The following COPB1 variants were observed in gnomAD, a reference collection of about 807,000 sequenced individuals.
COPB1 encodes coat protein complex I subunit beta 1, also known as coatomer subunit beta.
In COPB1, 21 loss-of-function variants were observed where a neutral mutation model predicts 108.7. That is an observed-to-expected ratio of 0.19 (90% CI 0.14 to 0.28). COPB1 has a LOEUF of 0.28. Among genes scored for constraint, COPB1 ranks in the 10% least tolerant of loss-of-function variants. COPB1 has a pLI of 1.00. For missense variants in COPB1, 919 were observed against 1,141.3 expected (o/e 0.81, Z 2.81); for synonymous variants, 378 against 386.8 (o/e 0.98, Z 0.27).
At chr11:14,464,227 T>A (rs956697986) in intron 18 of COPB1, among the ~76,000 whole-genome samples, 1 of 152,198 alleles carries the variant, frequency 6.6e-6, no homozygotes, top group African/African-American at 2.4e-5. Context: ...TGCTCCTCCA[T>A]GAAGCCTTTT....
chr11:14,480,733 A>T (rs990765146), intron 10 of COPB1, 26 bp downstream of exon 10: 1 of 1,585,640 alleles, frequency 6.3e-7, no homozygotes, highest in Non-Finnish European at 8.5e-7. Flanking sequence ...GATAATTTCA[A>T]AATTAAAGTC....
intron 11 of COPB1, chr11:14,478,957 C>CAAAAAAAA (rs35295507): frequency 1.2e-4 from 8 of 68,410 alleles, no homozygotes; most frequent in Non-Finnish European, 1.8e-4. Context: ...AGCCCTCTCA[C>CAAAAAAAA]AAAAAAAAAA....
chr11:14,477,019 G>A lies in COPB1; in HGVS notation c.1359-4C>T. On this transcript the variant is annotated splice_region_variant and splice_polypyrimidine_tract_variant and intron_variant, in intron 11 of 21. Transcript: ENST00000439561. Reference sequence around the variant, plus strand: ...CCATAATGCTCCTCGGTAAATCCTAGCACAATACAAGATCTGAAACATGAA... The same window carrying A: ...CCATAATGCTCCTCGGTAAATCCTAACACAATACAAGATCTGAAACATGAA... 6.4e-7 allele frequency: 1 copy of A among 1,563,782 alleles called. No homozygotes were observed. The highest frequency in any genetic ancestry group is 8.8e-7 in the Non-Finnish European group (1 of 1,134,844).
chr11:14,495,727 G>A (rs1335495915), intron 2 of COPB1, among the ~76,000 whole-genome samples: 1 of 152,170 alleles, frequency 6.6e-6, no homozygotes, highest in Non-Finnish European at 1.5e-5. Context: ...TTATTGGTTG[G>A]AGGAAGGTAG....
chr11:14,462,696 C>T (rs118055554), intron 18 of COPB1, among the ~76,000 whole-genome samples: 1,832 of 152,292 alleles, frequency 0.012, 20 homozygotes, highest in South Asian at 0.058. Flanking sequence ...AGAAGTACTA[C>T]CTCATTTCTT....
rs1850648267 is a variant in COPB1 at position 14,480,978 on chromosome 11, G to C, written c.1065+12C>G. The stretch of plus-strand genomic sequence containing the variant: ...CTGATAGCTACAAAGTGCTGTCAGA[G>C]TTTCCTTTTACCTCTTCAACATTTC... On this transcript the variant is annotated intron_variant, in intron 9 of 21. Transcript: ENST00000439561. 1.2e-6 allele frequency: 2 copies of C among 1,612,758 alleles called. No individual in the cohort carries two copies. The highest frequency in any genetic ancestry group is 1.3e-5 in the African/African-American group (1 of 74,998).
intron 14 of COPB1, 32 bp downstream of exon 14, chr11:14,474,463 T>A: frequency 6.2e-7 from 1 of 1,603,134 alleles, no homozygotes; most frequent in Non-Finnish European, 8.5e-7. Context: ...CAATGTTTAA[T>A]TGTTGGTTAA....
rs763359412 is a variant in COPB1 at position 14,480,865 on chromosome 11, T to C, written c.1106A>G (p.Asn369Ser). 4.3e-6 allele frequency: 7 copies of C among 1,614,032 alleles called. No individual in the cohort carries two copies. The South Asian group carries it at 6.6e-5, about 15-fold the overall frequency. The change falls in exon 10 of 22, where the codon AAT becomes AGT. Residue 369 changes from asparagine to serine, a missense_variant. Coordinates refer to ENST00000439561, the MANE Select transcript of COPB1 (RefSeq NM_001144061.2). ...GTCAGTATCTTCATGCTCAGACACA[T>C]TATTTGTTTTTATCACTTCCTTCTT... ...VLKKEVIKTN[N>S]VSEHEDTDKY...
intron 7 of COPB1, among the ~76,000 whole-genome samples, chr11:14,484,752 A>G (rs1437869742): frequency 2.0e-5 from 3 of 152,182 alleles, no homozygotes. Flanking sequence ...ACAACAACAG[A>G]AAAGAACTTT....
At chr11:14,464,651 T>G (rs563173594) in intron 18 of COPB1, among the ~76,000 whole-genome samples, 18 of 152,198 alleles carry the variant, frequency 1.2e-4, no homozygotes, top group African/African-American at 3.9e-4. Flanking sequence ...TAAACCAACC[T>G]GTAACACACT....
Position 14,480,866 on chromosome 11 carries a change from T to C in COPB1, c.1105A>G (p.Asn369Asp). 3.7e-6 allele frequency: 6 copies of C among 1,613,990 alleles called. No individual in the cohort carries two copies. The highest frequency in any genetic ancestry group is 4.2e-6 in the Non-Finnish European group (5 of 1,179,898). ...VLKKEVIKTN[N>D]VSEHEDTDKY... The stretch of plus-strand genomic sequence containing the variant: ...TCAGTATCTTCATGCTCAGACACAT[T>C]ATTTGTTTTTATCACTTCCTTCTTC... Residue 369 changes from asparagine (N) to aspartate (D), a missense_variant, in exon 10 of 22, where the codon AAT becomes GAT. Around this residue, in one of 5 missense-constraint regions of COPB1, gnomAD observed 705 missense variants for 817.8 expected, o/e 0.86. Transcript: ENST00000439561.
chr11:14,470,019 G>GA (rs1850366741), intron 14 of COPB1, among the ~76,000 whole-genome samples: 1 of 152,172 alleles, frequency 6.6e-6, no homozygotes, highest in Non-Finnish European at 1.5e-5. Context: ...CTAAGAGTCA[G>GA]AACAGTTTCC....
intron 14 of COPB1, among the ~76,000 whole-genome samples, chr11:14,473,209 G>A (rs1850445824): frequency 6.6e-6 from 1 of 152,042 alleles, no homozygotes; most frequent in South Asian, 2.1e-4. Context: ...TCCTGACCTC[G>A]TGATCCGCCT....
intron 21 of COPB1, 38 bp downstream of exon 21, chr11:14,458,494 C>A: frequency 6.4e-7 from 1 of 1,554,112 alleles, no homozygotes; most frequent in South Asian, 1.2e-5. Flanking sequence ...CCCCCTTTGT[C>A]AGTCCAGAGA....
chr11:14,472,790 C>T (rs890877536), intron 14 of COPB1, among the ~76,000 whole-genome samples: 1 of 152,130 alleles, frequency 6.6e-6, no homozygotes, highest in Non-Finnish European at 1.5e-5. Flanking sequence ...CATGAATCAA[C>T]CTCTGCTAGC....
At chr11:14,499,606 C>G (rs964379905) in intron 1 of COPB1, 101 bp downstream of exon 1, 8 of 151,058 alleles carry the variant, frequency 5.3e-5, no homozygotes, top group Middle Eastern at 3.2e-3. Context: ...CCCGTACCCC[C>G]ACCCGGTCCC....
intron 10 of COPB1, 139 bp from the exon 11 acceptor site, chr11:14,479,853 G>C (rs546631834): frequency 1.5e-5 from 12 of 817,442 alleles, no homozygotes; most frequent in East Asian, 1.1e-4. Flanking sequence ...GCCCAGGCTA[G>C]AGAATAGTGG....
rs760682268 is a variant in COPB1, at chr11:14,457,891, G to T, written c.2803-8C>A. Reference sequence around the variant, plus strand: ...AAGACTTAAGGCCATTCCCTGTAAAGAAAAATTAAGATATTTATAATTATT... The same window carrying T: ...AAGACTTAAGGCCATTCCCTGTAAATAAAAATTAAGATATTTATAATTATT... On this transcript the variant is annotated splice_region_variant and splice_polypyrimidine_tract_variant and intron_variant, in intron 21 of 21. Transcript: ENST00000439561. 1 of 1,516,060 alleles carries T rather than the reference G, an allele frequency of 6.6e-7. No individual in the cohort carries two copies. Among genetic ancestry groups the T allele is most frequent in the African/African-American group, 1.4e-5 (1 of 71,426 alleles). The allele number at this position is 1,516,060 out of a possible 1,614,324, so 93.9% of individuals were successfully genotyped here.
chr11:14,479,501 G>T, intron 11 of COPB1, 68 bp downstream of exon 11: 1 of 1,445,312 alleles, frequency 6.9e-7, no homozygotes, highest in Non-Finnish European at 9.4e-7. Context: ...TCTATCAACT[G>T]ACCCTTTAAA....
Sources: gnomAD v4.1 joint callset for allele counts (sites outside exome capture counted in the v4.1 genomes callset) on GRCh38, gnomAD v4.1.1 for gene constraint, gnomAD v4.1.1 regional missense constraint, MANE v1.5 for transcripts, NCBI Gene and HGNC (gene_info 2026-07-23, HGNC 2026-07-21) for gene names.